The following TIRAP variants were observed in gnomAD, a reference collection of about 807,000 sequenced individuals.
TIRAP encodes the protein toll/interleukin-1 receptor domain-containing adapter protein.
A neutral mutation model predicts 19.8 loss-of-function variants in TIRAP; 20 were observed. The observed-to-expected ratio is 1.01, with a 90% CI of 0.71 to 1.47. TIRAP has a LOEUF of 1.47. Ranked by LOEUF, TIRAP falls within the 40% of genes most tolerant of loss-of-function variation. The pLI is 0.00. For synonymous variants in TIRAP, 125 were observed against 121.7 expected (o/e 1.03, Z -0.18); for missense variants, 276 against 285.1 (o/e 0.97, Z 0.23).
At chr11:126,285,260 T>TATATATATATAA (rs773653398) in intron 1 of TIRAP, among the ~76,000 whole-genome samples, 1,618 of 135,362 alleles carry the variant, frequency 0.012, 36 homozygotes, top group African/African-American at 0.029. Context: ...TATATATATA[T>TATATATATATAA]AATATATATT....
Position 126,290,326 on chromosome 11 carries a change from T to A in TIRAP, c.-216-136T>A, listed in dbSNP as rs1430067379. ...GGCGATGGGTCTATGGATGGAGTTA[T>A]TCAGGGGGAGGCAGACTTGGAGGAA... On this transcript the variant is annotated intron_variant, in intron 1 of 4. Transcript: ENST00000392679. The surrounding 1 kb of genome is among the most constrained non-coding windows in gnomAD (Gnocchi z 4.9). 6 of 641,798 alleles carry A rather than the reference T, an allele frequency of 9.3e-6. No individual in the cohort carries two copies. Among genetic ancestry groups the A allele is most frequent in the African/African-American group, 2.0e-5 (1 of 50,434 alleles). 39.8% of individuals were successfully genotyped at this position (641,798 alleles called of 1,614,324 possible). A position where few individuals can be genotyped will look rare whatever the true frequency, so the allele number is the denominator to read the frequency against.
chr11:126,293,672 GCAGA>G lies in TIRAP; in HGVS notation c.654_657del (p.Gln218HisfsTer16), dbSNP rs1951436410. The G allele has an allele frequency of 6.2e-7, 1 of 1,614,180 alleles. No individual in the cohort carries two copies. The highest frequency in any genetic ancestry group is 8.5e-7 in the Non-Finnish European group (1 of 1,180,018). ...GCTGTGATTGGTCTCTTTCAGATCT[GCAGA>G]CACTCAGTTGACACTTGTTATATCA... On this transcript the variant is annotated frameshift_variant, in exon 5 of 5. Coordinates refer to ENST00000392679, the MANE Select transcript of TIRAP (RefSeq NM_001318777.2). LOFTEE classifies it high-confidence loss of function.
At chr11:126,283,985 T>C (rs2135280082) in intron 1 of TIRAP, among the ~76,000 whole-genome samples, 1 of 152,104 alleles carries the variant, frequency 6.6e-6, no homozygotes, top group Non-Finnish European at 1.5e-5. Context: ...ATAAAATAGG[T>C]TTGCCTGTTT....
rs8177366 is a variant in TIRAP at position 126,289,976 on chromosome 11, G to A, written c.-216-486G>A. 1,447 of 295,592 alleles carry A rather than the reference G, an allele frequency of 4.9e-3. 20 individuals carry two copies. Among genetic ancestry groups the A allele is most frequent in the African/African-American group, 0.026 (1,146 of 44,236 alleles). 18.3% of individuals were successfully genotyped at this position (295,592 alleles called of 1,614,324 possible). On this transcript the variant is annotated intron_variant, in intron 1 of 4. Coordinates refer to ENST00000392679, the MANE Select transcript of TIRAP (RefSeq NM_001318777.2). The stretch of plus-strand genomic sequence containing the variant: ...AGCACTGAATTAATGATCAGTTTGG[G>A]AAACGTTAACATTACAAGTTTAATA...
rs1386305970 is a variant in TIRAP at position 126,294,665 on chromosome 11, A to T, written c.*978A>T. 2.4e-6 allele frequency: 1 copy of T among 409,348 alleles called. No individual in the cohort carries two copies. Among genetic ancestry groups the T allele is most frequent in the Non-Finnish European group, 5.0e-6 (1 of 201,946 alleles). The allele number at this position is 409,348 out of a possible 1,614,324, so 25.4% of individuals were successfully genotyped here. A position where few individuals can be genotyped will look rare whatever the true frequency, so the allele number is the denominator to read the frequency against. On this transcript the variant is annotated 3_prime_UTR_variant, in exon 5 of 5. Transcript: ENST00000392679. ...GTAAGTTTGTTGTTGAACTGAAATG[A>T]ATTTCATTATTTCCTCCAATGTGTA...
At chr11:126,285,243 G>GTGTGTGTGTGTGTGTATA in intron 1 of TIRAP, among the ~76,000 whole-genome samples, 2 of 106,974 alleles carry the variant, frequency 1.9e-5, no homozygotes, top group African/African-American at 7.1e-5. Flanking sequence ...GTGTGTGTGT[G>GTGTGTGTGTGTGTGTATA]TATATATATA....
intron 1 of TIRAP, chr11:126,289,812 A>G: frequency 3.0e-6 from 3 of 985,410 alleles, no homozygotes; most frequent in South Asian, 9.4e-5. Context: ...ATCCTCTGTC[A>G]CTACGGTGGG....
In TIRAP at chr11:126,290,673, G is replaced by A. The variant is rs188398729; in HGVS notation, c.-93+88G>A. 47 of 1,343,014 alleles carry A rather than the reference G, an allele frequency of 3.5e-5. No individual in the cohort carries two copies. In the African/African-American group the frequency reaches 6.1e-4, roughly 17 times the overall value. The allele number at this position is 1,343,014 out of a possible 1,614,324, so 83.2% of individuals were successfully genotyped here. A position where few individuals can be genotyped will look rare whatever the true frequency, so the allele number is the denominator to read the frequency against. The stretch of plus-strand genomic sequence containing the variant: ...GTCTGGCCCTAATCTCATGAGGAAT[G>A]AAAGACCCATTTAGAGAAGAAGCCT... On this transcript the variant is annotated intron_variant, in intron 2 of 4. Transcript: ENST00000392679. The surrounding 1 kb of genome is among the most constrained non-coding windows in gnomAD (Gnocchi z 4.9).
rs1951329877 is a variant in TIRAP, at chr11:126,287,034, T to C, written c.-216-3428T>C. On this transcript the variant is annotated intron_variant, in intron 1 of 4. Transcript: ENST00000392679. The surrounding 1 kb of genome is among the most constrained non-coding windows in gnomAD (Gnocchi z 4.2). Reference sequence around the variant, plus strand: ...TCTTTGTGGTTACATTAAACTCACCTGGGTAATCCAGGAATCCCTCCCCAT... The same window carrying C: ...TCTTTGTGGTTACATTAAACTCACCCGGGTAATCCAGGAATCCCTCCCCAT... Among the ~76,000 whole-genome samples, 1 of 152,178 alleles carries C rather than the reference T, an allele frequency of 6.6e-6. No individual in the cohort carries two copies. Among genetic ancestry groups the C allele is most frequent in the African/African-American group, 2.4e-5 (1 of 41,456 alleles).
In TIRAP at chr11:126,294,593, GA is replaced by G; in HGVS notation, c.*907del. 1 of 456,172 alleles carries G rather than the reference GA, an allele frequency of 2.2e-6. No homozygotes were observed. Among genetic ancestry groups the G allele is most frequent in the Non-Finnish European group, 4.4e-6 (1 of 226,926 alleles). The allele number at this position is 456,172 out of a possible 1,614,324, so 28.3% of individuals were successfully genotyped here. ...AATCACCATTTTTCTTCTGGCAGAT[GA>G]CTGTATTCCTTATAGGACAGGCAAG... is the stretch of plus-strand genomic sequence containing the variant. On this transcript the variant is annotated 3_prime_UTR_variant, in exon 5 of 5. Transcript: ENST00000392679.
Position 126,287,594 on chromosome 11 carries a change from C to CAGGCATGAGCCACTGTGCCCAGCCCACTT in TIRAP, c.-216-2867_-216-2839dup. On this transcript the variant is annotated intron_variant, in intron 1 of 4. Transcript: ENST00000392679. The surrounding 1 kb of genome is among the most constrained non-coding windows in gnomAD (Gnocchi z 4.2). The stretch of plus-strand genomic sequence containing the variant: ...TCGGCCTCCCAAAGTGCTGGGATTA[C>CAGGCATGAGCCACTGTGCCCAGCCCACTT]AGGCATGAGCCACTGTGCCCAGCCC... 6.6e-6 allele frequency among the ~76,000 whole-genome samples: 1 copy of CAGGCATGAGCCACTGTGCCCAGCCCACTT among 152,088 alleles called. No individual in the cohort carries two copies. The highest frequency in any genetic ancestry group is 1.5e-5 in the Non-Finnish European group (1 of 68,026).
intron 4 of TIRAP, 76 bp from the exon 5 acceptor site, chr11:126,293,592 G>T: frequency 6.4e-7 from 1 of 1,551,762 alleles, no homozygotes; most frequent in Non-Finnish European, 8.9e-7. Flanking sequence ...TAAAAAGATA[G>T]AAGAGGCAGG....
In TIRAP at chr11:126,288,685, A is replaced by G. The variant is rs530178214; in HGVS notation, c.-216-1777A>G. ...AACTGGATTTCTTCTTAACCAAGCA[A>G]TGGAAAAGCAATTTCCCCCAATTAG... is the stretch of plus-strand genomic sequence containing the variant. On this transcript the variant is annotated intron_variant, in intron 1 of 4. Coordinates refer to ENST00000392679, the MANE Select transcript of TIRAP (RefSeq NM_001318777.2). This position sits in a 1 kb window ranked among gnomAD's most constrained non-coding sequence, Gnocchi z 5.0. The G allele has an allele frequency of 6.6e-6, 1 of 152,232 alleles. No homozygotes were observed. The highest frequency in any genetic ancestry group is 1.5e-5 in the Non-Finnish European group (1 of 68,044). The allele number at this position is 152,232 out of a possible 1,614,324, so 9.4% of individuals were successfully genotyped here. A position where few individuals can be genotyped will look rare whatever the true frequency, so the allele number is the denominator to read the frequency against.
rs767316936 is a variant in TIRAP, at chr11:126,292,753, G to A, written c.344G>A (p.Arg115His). ...TTGGAAGGCAGCACTGCCAGCCTGC[G>A]CTGCTTCCTGCAACTCCGGGATGCA... ...SYLEGSTASL[R>H]CFLQLRDATP... The change falls in exon 4 of 5, where the codon CGC becomes CAC. Residue 115 changes from arginine to histidine, a missense_variant. Arg to His is a conservative substitution (Grantham distance 29). Coordinates refer to ENST00000392679, the MANE Select transcript of TIRAP (RefSeq NM_001318777.2). The A allele has an allele frequency of 3.7e-6, 6 of 1,612,998 alleles. No individual in the cohort carries two copies. Among genetic ancestry groups the A allele is most frequent in the Admixed American group, 1.7e-5 (1 of 59,878 alleles).
Position 126,288,709 on chromosome 11 carries a change from A to T in TIRAP, c.-216-1753A>T, listed in dbSNP as rs1951348838. Reference sequence around the variant, plus strand: ...AATGGAAAAGCAATTTCCCCCAATTAGCATGCGTTGCCAAAAGGGCAAGTC... The same window carrying T: ...AATGGAAAAGCAATTTCCCCCAATTTGCATGCGTTGCCAAAAGGGCAAGTC... On this transcript the variant is annotated intron_variant, in intron 1 of 4. Coordinates refer to ENST00000392679, the MANE Select transcript of TIRAP (RefSeq NM_001318777.2). This position sits in a 1 kb window ranked among gnomAD's most constrained non-coding sequence, Gnocchi z 5.0. 1 of 152,250 alleles carries T rather than the reference A, an allele frequency of 6.6e-6. No homozygotes were observed. The highest frequency in any genetic ancestry group is 2.4e-5 in the African/African-American group (1 of 41,462). 9.4% of individuals were successfully genotyped at this position (152,250 alleles called of 1,614,324 possible).
In TIRAP at chr11:126,292,664, CTA is replaced by C. The variant is rs1312469709; in HGVS notation, c.257_258del (p.Tyr86Ter). 5.0e-6 allele frequency: 8 copies of C among 1,614,086 alleles called. No individual in the cohort carries two copies. Among genetic ancestry groups the C allele is most frequent in the Non-Finnish European group, 3.4e-6 (4 of 1,179,968 alleles). On this transcript the variant is annotated frameshift_variant, in exon 4 of 5. Transcript: ENST00000392679. LOFTEE classifies it high-confidence loss of function. ...DSGSSRWSKD[Y>X]DVCVCHSEED... is the part of the protein sequence containing the mutation. ...GTGGCAGTAGTCGCTGGAGCAAAGA[CTA>C]TGACGTCTGCGTGTGCCACAGTGAG...
intron 1 of TIRAP, among the ~76,000 whole-genome samples, chr11:126,284,493 G>T (rs966788749): frequency 6.6e-6 from 1 of 152,122 alleles, no homozygotes; most frequent in Non-Finnish European, 1.5e-5. Context: ...TTGATGGACA[G>T]TCGTTTCCAC....
At chr11:126,283,652 G>C (rs1452260974) in intron 1 of TIRAP, among the ~76,000 whole-genome samples, 2 of 152,198 alleles carry the variant, frequency 1.3e-5, no homozygotes, top group Non-Finnish European at 2.9e-5. Flanking sequence ...CTGTGCCAAC[G>C]ACTAGGGTGA....
rs1357055866 is a variant in TIRAP at position 126,288,916 on chromosome 11, C to A, written c.-216-1546C>A. ...GAATTGAAAAAATATTTAAAAAATG[C>A]AAAAACCAAGTGACATCATGTTTAC... On this transcript the variant is annotated intron_variant, in intron 1 of 4. Transcript: ENST00000392679. The surrounding 1 kb of genome is among the most constrained non-coding windows in gnomAD (Gnocchi z 5.0). Among the ~76,000 whole-genome samples, 4 of 151,910 alleles carry A rather than the reference C, an allele frequency of 2.6e-5. No individual in the cohort carries two copies. Among genetic ancestry groups the A allele is most frequent in the African/African-American group, 7.3e-5 (3 of 41,360 alleles).
Sources: gnomAD v4.1 joint callset for allele counts (sites outside exome capture counted in the v4.1 genomes callset) on GRCh38, gnomAD v4.1.1 for gene constraint, Gnocchi (gnomAD v3.1) non-coding constraint, MANE v1.5 for transcripts, NCBI Gene and HGNC (gene_info 2026-07-23, HGNC 2026-07-21) for gene names.